The following ADAM12 variants were observed in gnomAD, a reference collection of about 807,000 sequenced individuals.
The protein encoded by ADAM12 is ADAM metallopeptidase domain 12, also known as disintegrin and metalloproteinase domain-containing protein 12.
In ADAM12, 70 loss-of-function variants were observed where a neutral mutation model predicts 106.4. That is an observed-to-expected ratio of 0.66 (90% CI 0.54 to 0.80). The LOEUF is 0.80. Ranked by LOEUF, ADAM12 falls within the 30% of genes least tolerant of loss-of-function variation. The pLI, the probability that ADAM12 is intolerant of heterozygous loss-of-function variation, is 0.00. For synonymous variants in ADAM12, 420 were observed against 433.5 expected, an observed-to-expected ratio of 0.97 and a Z score of 0.39; for missense variants, 1,010 against 1,171.9, an observed-to-expected ratio of 0.86 and a Z score of 2.02.
chr10:126,014,339 A>G lies in ADAM12; in HGVS notation c.*2940T>C, dbSNP rs1450786846. The G allele has an allele frequency of 1.5e-4, 5 of 32,676 alleles. No individual in the cohort carries two copies. The highest frequency in any genetic ancestry group is 2.4e-4 in the African/African-American group (2 of 8,190). 2.0% of individuals were successfully genotyped at this position (32,676 alleles called of 1,614,324 possible). A position where few individuals can be genotyped will look rare whatever the true frequency, so the allele number is the denominator to read the frequency against. On this transcript the variant is annotated 3_prime_UTR_variant, in exon 23 of 23. Transcript: ENST00000448723. The stretch of plus-strand genomic sequence containing the variant: ...TTTTTTTTTTTTTTTTTTTTTTTTG[A>G]GGATGCATTGATGTATTGATTTGCC...
chr10:126,384,588 T>C (rs1050602259), intron 1 of ADAM12, among the ~76,000 whole-genome samples: 2 of 151,340 alleles, frequency 1.3e-5, no homozygotes, highest in African/African-American at 4.9e-5. Flanking sequence ...AAAGATGACA[T>C]CAGGAAAAAA....
At chr10:126,159,772 G>A (rs530755385) in intron 3 of ADAM12, among the ~76,000 whole-genome samples, 1 of 152,310 alleles carries the variant, frequency 6.6e-6, no homozygotes, top group South Asian at 2.1e-4. Flanking sequence ...AAATTAATTA[G>A]AAGGTTTTGA....
chr10:126,260,759 G>A (rs140769883), intron 3 of ADAM12, among the ~76,000 whole-genome samples: 5 of 152,268 alleles, frequency 3.3e-5, no homozygotes, highest in East Asian at 1.9e-4. Flanking sequence ...CAGTGCCACC[G>A]TAATGACATG....
At chr10:126,200,798 C>T (rs1454547422) in intron 3 of ADAM12, among the ~76,000 whole-genome samples, 1 of 145,660 alleles carries the variant, frequency 6.9e-6, no homozygotes, top group Non-Finnish European at 1.5e-5. Flanking sequence ...GAGAAAGAGC[C>T]CAGGATGTGG....
chr10:126,032,670 CT>C (rs1235138680), intron 21 of ADAM12, among the ~76,000 whole-genome samples: 14 of 152,136 alleles, frequency 9.2e-5, no homozygotes, highest in Non-Finnish European at 1.5e-5. Flanking sequence ...AAAGGAGCTT[CT>C]CTGCTCTTTG....
Position 126,113,189 on chromosome 10 carries a change from G to A in ADAM12, c.604-3349C>T, listed in dbSNP as rs1325529919. ...ATGGAATGGCAACAGCAGATGTCCTGAGGCTGGGGAGAGCTTGTGGGTGTT... is the reference window on the plus strand; with the variant it reads ...ATGGAATGGCAACAGCAGATGTCCTAAGGCTGGGGAGAGCTTGTGGGTGTT... On this transcript the variant is annotated intron_variant, in intron 6 of 22. Transcript: ENST00000448723. Among the ~76,000 whole-genome samples, 10 of 152,180 alleles carry A rather than the reference G, an allele frequency of 6.6e-5. 1 individual carries two copies. The highest frequency in any genetic ancestry group is 6.5e-4 in the Admixed American group (10 of 15,272).
At chr10:126,325,368 T>C (rs1215795014) in intron 2 of ADAM12, among the ~76,000 whole-genome samples, 1 of 152,192 alleles carries the variant, frequency 6.6e-6, no homozygotes, top group South Asian at 2.1e-4. Flanking sequence ...AGCCAGTGAA[T>C]GCGGATCACC....
At chr10:126,354,576 A>G (rs1359110779) in intron 1 of ADAM12, among the ~76,000 whole-genome samples, 1 of 152,220 alleles carries the variant, frequency 6.6e-6, no homozygotes, top group Non-Finnish European at 1.5e-5. Context: ...GTACATGCAA[A>G]TTTCATTTAA....
At chr10:126,027,249 A>C (rs1358283065) in intron 21 of ADAM12, among the ~76,000 whole-genome samples, 1 of 152,208 alleles carries the variant, frequency 6.6e-6, no homozygotes, top group African/African-American at 2.4e-5. Flanking sequence ...TACCAACCAA[A>C]CAAAACCCAG....
At chr10:126,270,314 A>G (rs1959169328) in intron 3 of ADAM12, among the ~76,000 whole-genome samples, 1 of 152,154 alleles carries the variant, frequency 6.6e-6, no homozygotes, top group African/African-American at 2.4e-5. Context: ...CACTCCCTGT[A>G]GGAAAGAACA....
chr10:126,261,401 T>A (rs923691871), intron 3 of ADAM12, among the ~76,000 whole-genome samples: 2 of 152,202 alleles, frequency 1.3e-5, no homozygotes, highest in African/African-American at 4.8e-5. Flanking sequence ...AATTACTGAA[T>A]TTTTTGGGAG....
intron 2 of ADAM12, among the ~76,000 whole-genome samples, chr10:126,311,073 C>T (rs1961064784): frequency 1.4e-5 from 2 of 142,950 alleles, no homozygotes; most frequent in Middle Eastern, 3.6e-3. Flanking sequence ...ATGGGTCTTC[C>T]TCATTATACA....
chr10:126,117,700 G>T (rs995996852), intron 6 of ADAM12, among the ~76,000 whole-genome samples: 9 of 136,978 alleles, frequency 6.6e-5, no homozygotes, highest in African/African-American at 2.5e-4. Context: ...CTGGGCCTAG[G>T]ACCATAGTAG....
intron 22 of ADAM12, among the ~76,000 whole-genome samples, chr10:126,018,885 C>T (rs1009838412): frequency 3.3e-5 from 5 of 152,170 alleles, no homozygotes; most frequent in South Asian, 2.1e-4. Flanking sequence ...TTGCTCCAGC[C>T]GTATGCCTCC....
intron 4 of ADAM12, among the ~76,000 whole-genome samples, chr10:126,146,977 C>T (rs1182057610): frequency 6.6e-6 from 1 of 152,184 alleles, no homozygotes; most frequent in Non-Finnish European, 1.5e-5. Context: ...TAGTCATCCG[C>T]CCTGACGTGT....
chr10:126,024,424 A>ATAT (rs1206624422), intron 21 of ADAM12, among the ~76,000 whole-genome samples: 1 of 152,228 alleles, frequency 6.6e-6, no homozygotes, highest in Non-Finnish European at 1.5e-5. Flanking sequence ...ATTTTAAAAA[A>ATAT]TAACTTCAAT....
At chr10:126,071,395 T>C in intron 12 of ADAM12, 82 bp downstream of exon 12, 2 of 1,525,114 alleles carry the variant, frequency 1.3e-6, no homozygotes, top group Non-Finnish European at 1.8e-6. Flanking sequence ...CATCTGGCTG[T>C]ACAGTTCCTC....
intron 2 of ADAM12, among the ~76,000 whole-genome samples, chr10:126,328,742 T>C (rs959867821): frequency 1.6e-4 from 24 of 152,232 alleles, no homozygotes; most frequent in Admixed American, 7.2e-4. Flanking sequence ...AATTCTTTAG[T>C]GCAGTAGGTG....
At chr10:126,071,834 C>T (rs1249391354) in intron 11 of ADAM12, among the ~76,000 whole-genome samples, 180 bp from the exon 12 acceptor site, 5 of 152,192 alleles carry the variant, frequency 3.3e-5, no homozygotes, top group African/African-American at 1.2e-4. Flanking sequence ...ACATTCAGTT[C>T]CATCCCGACA....
Sources: gnomAD v4.1 joint callset for allele counts (sites outside exome capture counted in the v4.1 genomes callset) on GRCh38, gnomAD v4.1.1 for gene constraint, MANE v1.5 for transcripts, NCBI Gene and HGNC (gene_info 2026-07-23, HGNC 2026-07-21) for gene names.